Variants in EEA1 observed in about 807,000 individuals in gnomAD.
EEA1 encodes early endosome antigen 1, 162kD.
A neutral mutation model predicts 209.2 loss-of-function variants in EEA1; 111 were observed. That is an observed-to-expected ratio of 0.53 (90% confidence interval 0.45 to 0.62). The LOEUF is 0.62. Ranked by LOEUF, EEA1 falls within the 20% of genes least tolerant of loss-of-function variation. The pLI is 0.00. For missense variants in EEA1, 1,343 were observed against 1,530.8 expected, an observed-to-expected ratio of 0.88 and a Z score of 2.05; for synonymous variants, 536 against 540.6, an observed-to-expected ratio of 0.99 and a Z score of 0.12.
At chr12:92,872,026 G>A (rs545537184) in intron 2 of EEA1, among the ~76,000 whole-genome samples, 5 of 150,978 alleles carry the variant, frequency 3.3e-5, no homozygotes, top group East Asian at 1.9e-4. Flanking sequence ...GACTACAGGC[G>A]CGTACCACCA....
At chr12:92,919,579 T>C (rs1880903412) in intron 1 of EEA1, among the ~76,000 whole-genome samples, 1 of 151,044 alleles carries the variant, frequency 6.6e-6, no homozygotes, top group African/African-American at 2.4e-5. Context: ...ATAAATTAGC[T>C]ATTGATGGGA....
At chr12:92,928,031 A>G (rs767695672) in intron 1 of EEA1, among the ~76,000 whole-genome samples, 7 of 152,180 alleles carry the variant, frequency 4.6e-5, no homozygotes, top group Non-Finnish European at 8.8e-5. Flanking sequence ...CAAATTCACT[A>G]ATTTCTTTTG....
At chr12:92,853,847 G>C in intron 6 of EEA1, 68 bp downstream of exon 6, 1 of 1,434,962 alleles carries the variant, frequency 7.0e-7, no homozygotes, top group Non-Finnish European at 9.5e-7. Flanking sequence ...AGGCATCAAA[G>C]AAAAAGAAAG....
intron 1 of EEA1, among the ~76,000 whole-genome samples, chr12:92,927,350 T>C (rs1881251730): frequency 6.6e-6 from 1 of 152,248 alleles, no homozygotes; most frequent in South Asian, 2.1e-4. Context: ...GTCAACTGAC[T>C]TATTCAGAAG....
intron 1 of EEA1, among the ~76,000 whole-genome samples, chr12:92,893,283 A>G (rs1008496152): frequency 2.6e-5 from 4 of 152,244 alleles, no homozygotes; most frequent in Non-Finnish European, 5.9e-5. Flanking sequence ...GGTATATGCT[A>G]GCATTATCCA....
intron 28 of EEA1, 124 bp from the exon 29 acceptor site, chr12:92,776,257 T>C: frequency 4.6e-6 from 4 of 860,910 alleles, no homozygotes. Context: ...TGGTATATTA[T>C]TTAATGATAT....
chr12:92,811,237 G>A (rs753632182), intron 17 of EEA1, 42 bp downstream of exon 17: 17 of 1,304,750 alleles, frequency 1.3e-5, no homozygotes, highest in African/African-American at 4.5e-5. Flanking sequence ...CATTGCTACT[G>A]AAGTAGAAAA....
intron 1 of EEA1, among the ~76,000 whole-genome samples, chr12:92,896,076 C>T (rs1179256150): frequency 2.0e-5 from 3 of 151,718 alleles, no homozygotes; most frequent in African/African-American, 7.3e-5. Context: ...CAGGTTCAAG[C>T]GATTCTCCTG....
In EEA1 at chr12:92,816,264, C is replaced by T. The variant is rs137880144; in HGVS notation, c.1865G>A (p.Ser622Asn). 6.8e-5 allele frequency: 110 copies of T among 1,613,940 alleles called. No homozygotes were observed. In the African/African-American group the frequency reaches 1.3e-3, roughly 20 times the overall value. ...AQDRVLSLETSVNELNSQLNE... is the reference protein window; with the variant it reads ...AQDRVLSLETNVNELNSQLNE... ...TAATTGACTATTTAATTCATTGACA[C>T]TAGTTTCTAGGGAAAGGACACGGTC... The change falls in exon 15 of 29, where the codon AGT becomes AAT. Residue 622 changes from serine (S) to asparagine (N), a missense_variant. Ser to Asn is a conservative substitution (Grantham distance 46, BLOSUM62 1). Coordinates refer to ENST00000322349, the MANE Select transcript of EEA1 (RefSeq NM_003566.4).
intron 5 of EEA1, among the ~76,000 whole-genome samples, chr12:92,855,596 C>A (rs1348876782): frequency 2.6e-5 from 4 of 152,036 alleles, no homozygotes; most frequent in African/African-American, 7.3e-5. Flanking sequence ...TAATATACTA[C>A]CTTGGCATTA....
intron 18 of EEA1, among the ~76,000 whole-genome samples, chr12:92,807,409 G>A (rs11106705): frequency 0.28 from 43,144 of 151,908 alleles, 6,558 homozygotes; most frequent in Non-Finnish European, 0.32. Flanking sequence ...TGCCAATACT[G>A]TTTACATTCA....
chr12:92,855,371 A>G (rs1877828487), intron 5 of EEA1, among the ~76,000 whole-genome samples: 2 of 151,286 alleles, frequency 1.3e-5, no homozygotes, highest in African/African-American at 4.9e-5. Context: ...CGGAGCTTGC[A>G]GTGAGCCGAG....
intron 5 of EEA1, among the ~76,000 whole-genome samples, chr12:92,856,585 T>C (rs947656971): frequency 6.6e-6 from 1 of 151,644 alleles, no homozygotes; most frequent in African/African-American, 2.4e-5. Context: ...TAGCTATTTA[T>C]AGCTAGTAAT....
intron 18 of EEA1, among the ~76,000 whole-genome samples, chr12:92,804,128 T>C (rs961507024): frequency 6.6e-6 from 1 of 152,150 alleles, no homozygotes; most frequent in Non-Finnish European, 1.5e-5. Context: ...ACTGTAATTG[T>C]TATTTATAGC....
intron 2 of EEA1, among the ~76,000 whole-genome samples, chr12:92,889,332 T>C (rs1431594987): frequency 1.3e-5 from 2 of 150,344 alleles, no homozygotes; most frequent in Non-Finnish European, 3.0e-5. Flanking sequence ...CAGAAGTGTG[T>C]GGTATTACAG....
chr12:92,912,531 G>C (rs373965909), intron 1 of EEA1, among the ~76,000 whole-genome samples: 2 of 152,162 alleles, frequency 1.3e-5, no homozygotes, highest in African/African-American at 4.8e-5. Context: ...ATGACTGAAG[G>C]TACCTTAGAT....
At chr12:92,842,207 T>G (rs1877197037) in intron 10 of EEA1, among the ~76,000 whole-genome samples, 1 of 152,046 alleles carries the variant, frequency 6.6e-6, no homozygotes, top group South Asian at 2.1e-4. Flanking sequence ...AGTCAAATTT[T>G]AGAGACAGAA....
chr12:92,894,080 T>C (rs1738078854), intron 1 of EEA1, among the ~76,000 whole-genome samples: 1 of 152,236 alleles, frequency 6.6e-6, no homozygotes, highest in Non-Finnish European at 1.5e-5. Flanking sequence ...TCAAGCTTTT[T>C]TATTATTATC....
intron 2 of EEA1, among the ~76,000 whole-genome samples, chr12:92,872,756 C>T (rs1878711152): frequency 6.6e-6 from 1 of 152,058 alleles, no homozygotes; most frequent in African/African-American, 2.4e-5. Flanking sequence ...AGTTCGAGAC[C>T]AGTCTGGCCA....
Sources: gnomAD v4.1 joint callset for allele counts (sites outside exome capture counted in the v4.1 genomes callset) on GRCh38, gnomAD v4.1.1 for gene constraint, MANE v1.5 for transcripts, NCBI Gene and HGNC (gene_info 2026-07-23, HGNC 2026-07-21) for gene names.